The following RDX variants were observed in gnomAD, a reference collection of about 807,000 sequenced individuals.
RDX encodes the protein deafness, autosomal recessive 24.
Under a neutral mutation model 83.7 loss-of-function variants are expected in RDX, and 32 were observed. That is an observed-to-expected ratio of 0.38 (90% CI 0.29 to 0.51). The LOEUF is 0.51. Among genes scored for constraint, RDX ranks in the 20% least tolerant of loss-of-function variants. RDX has a pLI of 0.87. For missense variants in RDX, 600 were observed against 689.9 expected, an observed-to-expected ratio of 0.87 and a Z score of 1.46; for synonymous variants, 229 against 222.7, an observed-to-expected ratio of 1.03 and a Z score of -0.25.
At chr11:110,261,036 T>C (rs1482613574) in intron 5 of RDX, among the ~76,000 whole-genome samples, 1 of 152,350 alleles carries the variant, frequency 6.6e-6, no homozygotes, top group Non-Finnish European at 1.5e-5. Context: ...CTCATTTTTA[T>C]GTACTTGGTA....
chr11:110,232,071 C>T (rs1243589557), intron 13 of RDX, 38 bp from the exon 14 acceptor site: 1 of 1,524,962 alleles, frequency 6.6e-7, no homozygotes, highest in Non-Finnish European at 9.0e-7. Flanking sequence ...TTATTTTTTT[C>T]TTAGATTTAA....
At chr11:110,271,816 A>G (rs1319073040) in intron 3 of RDX, among the ~76,000 whole-genome samples, 1 of 152,124 alleles carries the variant, frequency 6.6e-6, no homozygotes, top group Non-Finnish European at 1.5e-5. Flanking sequence ...GTTGTTAGGG[A>G]TCTCTGTATA....
intron 10 of RDX, among the ~76,000 whole-genome samples, chr11:110,244,639 T>G (rs1335253215): frequency 6.6e-6 from 1 of 152,158 alleles, no homozygotes; most frequent in Admixed American, 6.5e-5. Context: ...TAAAATTTAT[T>G]ATGATGATAG....
At chr11:110,224,273 T>G (rs550082933) in intron 14 of RDX, among the ~76,000 whole-genome samples, 21 of 151,788 alleles carry the variant, frequency 1.4e-4, no homozygotes, top group African/African-American at 4.8e-4. Flanking sequence ...TAAAAGCCAG[T>G]ACATTATGAC....
chr11:110,200,944 G>A (rs1038330153), intron 14 of RDX, among the ~76,000 whole-genome samples: 11 of 152,042 alleles, frequency 7.2e-5, no homozygotes, highest in East Asian at 5.8e-4. Context: ...TTGGGAGGCC[G>A]AGGCAGAGAT....
intron 7 of RDX, among the ~76,000 whole-genome samples, chr11:110,255,835 C>T (rs761809208): frequency 7.9e-5 from 12 of 152,084 alleles, no homozygotes; most frequent in Non-Finnish European, 8.8e-5. Flanking sequence ...TACTTCCTTC[C>T]TGTGTTTAAT....
intron 1 of RDX, among the ~76,000 whole-genome samples, chr11:110,290,414 A>C (rs907147212): frequency 2.0e-5 from 3 of 151,768 alleles, no homozygotes; most frequent in Non-Finnish European, 4.4e-5. Context: ...TGGGAGACTG[A>C]GGTGGAGGGA....
intron 9 of RDX, among the ~76,000 whole-genome samples, chr11:110,248,214 T>C (rs971207529): frequency 3.3e-5 from 5 of 152,208 alleles, no homozygotes; most frequent in Admixed American, 6.5e-5. Flanking sequence ...AAACCACCTA[T>C]ATTCCAAAAA....
At chr11:110,245,356 C>G (rs910784860) in intron 10 of RDX, among the ~76,000 whole-genome samples, 6 of 152,104 alleles carry the variant, frequency 3.9e-5, no homozygotes, top group African/African-American at 7.2e-5. Flanking sequence ...TCACTTGAGC[C>G]CAGGAGTTTG....
intron 3 of RDX, 49 bp downstream of exon 3, chr11:110,272,487 A>C: frequency 8.5e-7 from 1 of 1,179,236 alleles, no homozygotes; most frequent in Non-Finnish European, 1.3e-6. Flanking sequence ...GTATGCAACA[A>C]CATTCACACT....
At chr11:110,223,379 A>T (rs1864321567) in intron 14 of RDX, among the ~76,000 whole-genome samples, 1 of 151,838 alleles carries the variant, frequency 6.6e-6, no homozygotes, top group African/African-American at 2.4e-5. Context: ...AAACAAAAAA[A>T]TTAGCCAGGC....
In RDX at chr11:110,254,119, A is replaced by C. The variant is rs542948590; in HGVS notation, c.796-10T>G. The C allele has an allele frequency of 2.1e-5, 34 of 1,610,836 alleles. No homozygotes were observed. In the South Asian group the frequency reaches 3.2e-4, roughly 15 times the overall value. On this transcript the variant is annotated splice_polypyrimidine_tract_variant and intron_variant, in intron 8 of 13. Transcript: ENST00000645495. ...CATAAAACACAAAATCCTAAACATA[A>C]AGTATTCTGAATTTAAAATCTTCCT... is the stretch of plus-strand genomic sequence containing the variant.
At chr11:110,194,536 C>G (rs757025638) in intron 15 of RDX, among the ~76,000 whole-genome samples, 1 of 152,142 alleles carries the variant, frequency 6.6e-6, no homozygotes, top group Admixed American at 6.5e-5. Flanking sequence ...TACAACTTTT[C>G]GTTTCTTGCA....
At chr11:110,295,325 AAAG>A (rs1205923622) in intron 1 of RDX, among the ~76,000 whole-genome samples, 8 of 151,320 alleles carry the variant, frequency 5.3e-5, no homozygotes, top group Admixed American at 6.6e-5. Flanking sequence ...AAAAAAAAAA[AAAG>A]AAGTATGCTC....
At chr11:110,228,302 A>G (rs1864497305), downstream of RDX, among the ~76,000 whole-genome samples, 2 of 152,068 alleles carry the variant, frequency 1.3e-5, no homozygotes, top group Admixed American at 1.3e-4. Flanking sequence ...GAATCCAAAG[A>G]GCTTTTGTAT....
At chr11:110,242,108 C>T (rs1040561774) in intron 10 of RDX, among the ~76,000 whole-genome samples, 1 of 152,038 alleles carries the variant, frequency 6.6e-6, no homozygotes, top group African/African-American at 2.4e-5. Flanking sequence ...GTGGTGATGG[C>T]TGCACAACAT....
downstream of RDX, among the ~76,000 whole-genome samples, chr11:110,227,050 A>G (rs1223038667): frequency 7.2e-5 from 11 of 152,182 alleles, no homozygotes; most frequent in Admixed American, 7.2e-4. Flanking sequence ...GAGAATTCAA[A>G]TGCTAGACTT....
At chr11:110,215,219 G>A (rs943605394) in intron 14 of RDX, among the ~76,000 whole-genome samples, 4 of 149,832 alleles carry the variant, frequency 2.7e-5, no homozygotes, top group Non-Finnish European at 4.5e-5. Context: ...AACATTGGCC[G>A]GGCGTGATGG....
chr11:110,273,204 C>T (rs1175485831), intron 2 of RDX: 1 of 372,918 alleles, frequency 2.7e-6, no homozygotes, highest in African/African-American at 2.1e-5. Flanking sequence ...CAGAGCAAGA[C>T]CCTGCCTCCA....
Sources: allele counts gnomAD v4.1 joint callset (sites outside exome capture counted in the v4.1 genomes callset), GRCh38; gene constraint gnomAD v4.1.1; transcripts MANE v1.5; gene names NCBI Gene and HGNC (gene_info 2026-07-23, HGNC 2026-07-21).